SEMA3A: variants seen among roughly 807,000 people sequenced by gnomAD.
SEMA3A encodes semaphorin 3A.
In SEMA3A, 29 loss-of-function variants were observed where a neutral mutation model predicts 97.9. The observed-to-expected ratio is 0.30, with a 90% CI of 0.22 to 0.40. The LOEUF (loss-of-function observed/expected upper bound fraction) is 0.40. Among genes scored for constraint, SEMA3A ranks in the 10% least tolerant of loss-of-function variants. SEMA3A has a pLI of 1.00. For missense variants in SEMA3A, 763 were observed against 951.3 expected (o/e 0.80, Z 2.60); for synonymous variants, 321 against 323.7 (o/e 0.99, Z 0.09).
intron 9 of SEMA3A, 56 bp downstream of exon 9, chr7:84,010,966 T>C (rs926955212): frequency 7.5e-7 from 1 of 1,325,796 alleles, no homozygotes; most frequent in African/African-American, 1.5e-5. Flanking sequence ...TTATGAGTAC[T>C]TGGATAGCAC....
chr7:84,149,107 C>T (rs1234941621), intron 1 of SEMA3A, among the ~76,000 whole-genome samples: 1 of 152,136 alleles, frequency 6.6e-6, no homozygotes, highest in African/African-American at 2.4e-5. Context: ...ATTGGATTAT[C>T]ATGTAGATAA....
At chr7:84,150,704 G>C (rs1436490251) in intron 1 of SEMA3A, among the ~76,000 whole-genome samples, 5 of 152,144 alleles carry the variant, frequency 3.3e-5, no homozygotes, top group African/African-American at 1.2e-4. Context: ...GGTAAACAAA[G>C]CAGCTGGGAA....
chr7:84,450,763 G>C lies in SEMA3A; in HGVS notation c.-246+41697C>G, dbSNP rs1257105920. Among the ~76,000 whole-genome samples the C allele has an allele frequency of 2.0e-5, 3 of 152,114 alleles. No homozygotes were observed. In the East Asian group the frequency reaches 5.8e-4, roughly 29 times the overall value. Reference sequence around the variant, plus strand: ...TTTGATTTGCATTTCCCTAATTCGTGATGTTGAACATCTTTTCATAAACTG... The same window carrying C: ...TTTGATTTGCATTTCCCTAATTCGTCATGTTGAACATCTTTTCATAAACTG... On this transcript the variant is annotated intron_variant, in intron 1 of 3. Transcript: ENST00000424555.
At chr7:84,463,954 T>C (rs939868489) in intron 1 of SEMA3A, among the ~76,000 whole-genome samples, 2 of 152,170 alleles carry the variant, frequency 1.3e-5, no homozygotes, top group African/African-American at 4.8e-5. Flanking sequence ...CACTCAGCAG[T>C]AATGAATAAA....
intron 4 of SEMA3A, among the ~76,000 whole-genome samples, chr7:84,079,147 G>GT (rs900486877): frequency 6.6e-6 from 1 of 151,738 alleles, no homozygotes; most frequent in East Asian, 1.9e-4. Flanking sequence ...CATTTAATTT[G>GT]TTTTTTTAAC....
intron 1 of SEMA3A, among the ~76,000 whole-genome samples, chr7:84,474,990 GA>G (rs980840663): frequency 6.6e-6 from 1 of 151,634 alleles, no homozygotes; most frequent in Admixed American, 6.6e-5. Flanking sequence ...ATAGGATGAA[GA>G]AAAAAAAGTG....
At chr7:84,281,986 C>T (rs965339245) in intron 3 of SEMA3A, among the ~76,000 whole-genome samples, 1 of 152,086 alleles carries the variant, frequency 6.6e-6, no homozygotes, top group Non-Finnish European at 1.5e-5. Context: ...TTATCTGCTA[C>T]CCAGAAGCCA....
intron 1 of SEMA3A, among the ~76,000 whole-genome samples, chr7:84,459,806 T>C (rs1341240134): frequency 6.6e-6 from 1 of 152,074 alleles, no homozygotes; most frequent in Non-Finnish European, 1.5e-5. Flanking sequence ...AGCGGGTGGG[T>C]GACTTGAGCT....
chr7:84,312,872 T>TTATA (rs377261705), intron 2 of SEMA3A, among the ~76,000 whole-genome samples: 14 of 48,838 alleles, frequency 2.9e-4, no homozygotes, highest in Admixed American at 1.0e-3. Context: ...TGGTGTTGTT[T>TTATA]TATATATATA....
intron 6 of SEMA3A, among the ~76,000 whole-genome samples, chr7:84,021,245 C>CATA (rs750642370): frequency 1.6e-3 from 244 of 152,054 alleles, no homozygotes; most frequent in Non-Finnish European, 2.9e-3. Context: ...AACACCTTAT[C>CATA]TACTGTCTTT....
intron 4 of SEMA3A, among the ~76,000 whole-genome samples, chr7:84,081,310 G>A (rs997915567): frequency 6.6e-6 from 1 of 151,510 alleles, no homozygotes; most frequent in Admixed American, 6.6e-5. Context: ...CAAGCTTGTA[G>A]GGCCGGGCGC....
chr7:84,256,901 G>A (rs1228472931), intron 3 of SEMA3A, among the ~76,000 whole-genome samples: 1 of 152,054 alleles, frequency 6.6e-6, no homozygotes, highest in Non-Finnish European at 1.5e-5. Flanking sequence ...CTTCACTGGT[G>A]AAGCAATAAT....
At chr7:84,167,741 T>C (rs1797257297) in intron 1 of SEMA3A, among the ~76,000 whole-genome samples, 1 of 152,182 alleles carries the variant, frequency 6.6e-6, no homozygotes, top group Non-Finnish European at 1.5e-5. Context: ...AATTTCTTCA[T>C]TTTTCTAGTT....
chr7:84,164,458 T>C (rs770875184), intron 1 of SEMA3A, among the ~76,000 whole-genome samples: 14 of 152,202 alleles, frequency 9.2e-5, no homozygotes, highest in Non-Finnish European at 1.8e-4. Flanking sequence ...CCCTGGATGA[T>C]AATGGGATAA....
intron 1 of SEMA3A, among the ~76,000 whole-genome samples, chr7:84,152,243 G>A (rs1359705468): frequency 1.3e-5 from 2 of 149,284 alleles, no homozygotes; most frequent in Non-Finnish European, 3.0e-5. Context: ...ACATGCACAC[G>A]TATGTTTATT....
At position 83,985,429 on chromosome 7, in the gene SEMA3A, A is replaced by T; in HGVS notation, c.1494+7T>A. On this transcript the variant is annotated splice_region_variant and intron_variant, in intron 13 of 16. Coordinates refer to ENST00000265362, the MANE Select transcript of SEMA3A (RefSeq NM_006080.3). ...GGATATTCAATGGTAATACATAATG[A>T]TAGTACCTGCTTAGTGGAAAGCTCC... is the stretch of plus-strand genomic sequence containing the variant. 1 of 1,599,084 alleles carries T rather than the reference A, an allele frequency of 6.3e-7. No homozygotes were observed. The highest frequency in any genetic ancestry group is 1.7e-4 in the Middle Eastern group (1 of 6,024).
chr7:84,454,376 A>G (rs1364389202), intron 1 of SEMA3A, among the ~76,000 whole-genome samples: 1 of 152,178 alleles, frequency 6.6e-6, no homozygotes, highest in Non-Finnish European at 1.5e-5. Flanking sequence ...TACTAACATT[A>G]AGGTAACAGC....
intron 1 of SEMA3A, among the ~76,000 whole-genome samples, chr7:84,141,098 G>A (rs1387457079): frequency 6.6e-6 from 1 of 152,128 alleles, no homozygotes; most frequent in Non-Finnish European, 1.5e-5. Context: ...CTGTGTGGAG[G>A]ATGAATTCTA....
At chr7:84,280,026 T>C (rs1364627764) in intron 3 of SEMA3A, among the ~76,000 whole-genome samples, 1 of 152,130 alleles carries the variant, frequency 6.6e-6, no homozygotes, top group East Asian at 1.9e-4. Flanking sequence ...GCTTCCTGAG[T>C]ATCTGGGACC....
Sources: gnomAD v4.1 joint callset for allele counts (sites outside exome capture counted in the v4.1 genomes callset) on GRCh38, gnomAD v4.1.1 for gene constraint, MANE v1.5 for transcripts, NCBI Gene and HGNC (gene_info 2026-07-23, HGNC 2026-07-21) for gene names.